The following TMEM132C variants were observed in gnomAD, a reference collection of about 807,000 sequenced individuals.
TMEM132C encodes the protein transmembrane protein 132C, also known as protein phosphatase 1, regulatory subunit 152.
Under a neutral mutation model 61.4 loss-of-function variants are expected in TMEM132C, and 29 were observed. The observed-to-expected ratio is 0.47, with a 90% CI of 0.35 to 0.64. TMEM132C has a LOEUF of 0.64. Ranked by LOEUF, TMEM132C falls within the 30% of genes least tolerant of loss-of-function variation. The pLI, the probability that TMEM132C is intolerant of heterozygous loss-of-function variation, is 0.00. For synonymous variants in TMEM132C, 656 were observed against 633.1 expected, an observed-to-expected ratio of 1.04 and a Z score of -0.54; for missense variants, 1,408 against 1,476.9, an observed-to-expected ratio of 0.95 and a Z score of 0.76.
chr12:128,585,984 A>G (rs1474936446), intron 3 of TMEM132C, among the ~76,000 whole-genome samples: 1 of 152,228 alleles, frequency 6.6e-6, no homozygotes, highest in Non-Finnish European at 1.5e-5. Context: ...ACGGCTGCAC[A>G]ACAACATGAA....
intron 1 of TMEM132C, among the ~76,000 whole-genome samples, chr12:128,344,447 C>G (rs1169739044): frequency 6.6e-6 from 1 of 152,154 alleles, no homozygotes; most frequent in African/African-American, 2.4e-5. Context: ...TGTGAGCCAC[C>G]GTGCCGGCAG....
At chr12:128,680,337 G>A (rs1223660256) in intron 5 of TMEM132C, among the ~76,000 whole-genome samples, 4 of 152,292 alleles carry the variant, frequency 2.6e-5, no homozygotes, top group East Asian at 1.9e-4. Context: ...GCCAGGATTC[G>A]AACTCAGGTC....
At chr12:128,533,860 G>A (rs1372541942) in intron 2 of TMEM132C, among the ~76,000 whole-genome samples, 4 of 151,932 alleles carry the variant, frequency 2.6e-5, no homozygotes, top group African/African-American at 9.7e-5. Context: ...CAGCCTTACA[G>A]GGCCCAGAGG....
At chr12:128,423,979 G>A (rs184005245) in intron 2 of TMEM132C, among the ~76,000 whole-genome samples, 126 of 149,500 alleles carry the variant, frequency 8.4e-4, no homozygotes, top group Admixed American at 1.7e-3. Context: ...CCCAGGAGGC[G>A]GAGCTTGCAG....
intron 2 of TMEM132C, among the ~76,000 whole-genome samples, chr12:128,442,762 C>T (rs1869840762): frequency 1.3e-5 from 2 of 152,124 alleles, no homozygotes; most frequent in Non-Finnish European, 2.9e-5. Flanking sequence ...TTTAAAGTGA[C>T]CGCTTCAGTG....
chr12:128,627,420 A>G (rs780922983), intron 4 of TMEM132C, among the ~76,000 whole-genome samples: 28 of 151,816 alleles, frequency 1.8e-4, no homozygotes, highest in Admixed American at 1.5e-3. Flanking sequence ...TCATTTGTGT[A>G]TATATTTATC....
At chr12:128,272,613 G>A (rs531810225) in intron 1 of TMEM132C, among the ~76,000 whole-genome samples, 1 of 152,260 alleles carries the variant, frequency 6.6e-6, no homozygotes, top group African/African-American at 2.4e-5. Context: ...AGTTTTAGCA[G>A]TTTGCATCCC....
Position 128,477,084 on chromosome 12 carries a change from C to A in TMEM132C, c.974+61464C>A, listed in dbSNP as rs1871175520. Among the ~76,000 whole-genome samples the A allele has an allele frequency of 2.0e-5, 3 of 152,238 alleles. No homozygotes were observed. In the South Asian group the frequency reaches 6.2e-4, roughly 32 times the overall value. On this transcript the variant is annotated intron_variant, in intron 2 of 8. Transcript: ENST00000435159. ...CTACTGCTGTGTAACAGACCACCCC[C>A]AAAACTCAGTGGCCTAAAACAACAT...
chr12:128,588,685 C>T (rs1373848262), intron 3 of TMEM132C, among the ~76,000 whole-genome samples: 2 of 152,112 alleles, frequency 1.3e-5, no homozygotes, highest in East Asian at 1.9e-4. Flanking sequence ...ATGCGATTCA[C>T]GCCTTAATAA....
At chr12:128,279,225 T>G (rs904307077) in intron 1 of TMEM132C, among the ~76,000 whole-genome samples, 1 of 152,144 alleles carries the variant, frequency 6.6e-6, no homozygotes, top group African/African-American at 2.4e-5. Context: ...GATAATGGAT[T>G]CCCAGAACTG....
Position 128,482,164 on chromosome 12 carries a change from G to T in TMEM132C, c.975-61793G>T, listed in dbSNP as rs180968958. On this transcript the variant is annotated intron_variant, in intron 2 of 8. Transcript: ENST00000435159. ...CTTTTGAGATAATCATGTGGTTTTT[G>T]TCGTTGGTTCTGTCTGTGTGATGGA... is the stretch of plus-strand genomic sequence containing the variant. Among the ~76,000 whole-genome samples, 476 of 152,278 alleles carry T rather than the reference G, an allele frequency of 3.1e-3. 4 individuals carry two copies. The highest frequency in any genetic ancestry group is 0.011 in the African/African-American group (452 of 41,538).
At chr12:128,633,067 A>G (rs1954075783) in intron 4 of TMEM132C, among the ~76,000 whole-genome samples, 1 of 151,978 alleles carries the variant, frequency 6.6e-6, no homozygotes, top group Non-Finnish European at 1.5e-5. Context: ...TGCAGGTATG[A>G]GATTGGTGGG....
At chr12:128,289,594 G>A (rs1323502883) in intron 1 of TMEM132C, among the ~76,000 whole-genome samples, 1 of 152,156 alleles carries the variant, frequency 6.6e-6, no homozygotes, top group Non-Finnish European at 1.5e-5. Context: ...AAGAAAGTAG[G>A]CCCAAGAGGT....
intron 4 of TMEM132C, among the ~76,000 whole-genome samples, chr12:128,656,466 C>A (rs1047437916): frequency 1.2e-4 from 18 of 152,324 alleles, no homozygotes; most frequent in African/African-American, 4.3e-4. Context: ...AAGAAATGCC[C>A]CACTTACTGA....
Position 128,705,395 on chromosome 12 carries a change from C to T in TMEM132C, c.2427C>T (p.Gly809=), listed in dbSNP as rs1231629791. 4 of 1,550,990 alleles carry T rather than the reference C, an allele frequency of 2.6e-6. No individual in the cohort carries two copies. The highest frequency in any genetic ancestry group is 1.4e-5 in the African/African-American group (1 of 73,018). ...AGAACGATGCTGACTCCAGCCCCGG[C>T]GGGGACTATGAGGAAGATGAGATCA... ...FGQNDADSSP[G]GDYEEDEIKN... The change falls in exon 9 of 9, where the codon GGC becomes GGT. Residue 809 remains glycine (G), a synonymous_variant. Coordinates refer to ENST00000435159, the MANE Select transcript of TMEM132C (RefSeq NM_001136103.3).
chr12:128,289,166 A>G (rs1050969660), intron 1 of TMEM132C: 4 of 152,220 alleles, frequency 2.6e-5, no homozygotes, highest in Admixed American at 1.3e-4. Flanking sequence ...GCTCATACGC[A>G]TGCACTCACA....
intron 1 of TMEM132C, among the ~76,000 whole-genome samples, chr12:128,332,267 A>G (rs1157043910): frequency 6.6e-6 from 1 of 152,222 alleles, no homozygotes; most frequent in Non-Finnish European, 1.5e-5. Flanking sequence ...AGATGGAGAA[A>G]GGTGATTTGT....
chr12:128,469,400 C>T (rs1040736428), intron 2 of TMEM132C, among the ~76,000 whole-genome samples: 6 of 150,194 alleles, frequency 4.0e-5, no homozygotes, highest in East Asian at 2.0e-4. Context: ...ACTGCAGCCT[C>T]GACCTCCTGG....
chr12:128,684,134 T>C (rs1470773319), intron 5 of TMEM132C, among the ~76,000 whole-genome samples: 1 of 152,230 alleles, frequency 6.6e-6, no homozygotes, highest in Admixed American at 6.5e-5. Context: ...TTATTTTTAT[T>C]GTAGCATTTA....
Sources: gnomAD v4.1 joint callset for allele counts (sites outside exome capture counted in the v4.1 genomes callset) on GRCh38, gnomAD v4.1.1 for gene constraint, MANE v1.5 for transcripts, NCBI Gene and HGNC (gene_info 2026-07-23, HGNC 2026-07-21) for gene names.